DOCK7: variants seen among roughly 807,000 people sequenced by gnomAD.
DOCK7 encodes dedicator of cytokinesis 7.
A neutral mutation model predicts 271.0 loss-of-function variants in DOCK7; 138 were observed. That is an observed-to-expected ratio of 0.51 (90% CI 0.44 to 0.59). The LOEUF is 0.59. DOCK7 is among the 20% of genes least tolerant of loss of function. DOCK7 has a pLI of 0.00. For synonymous variants in DOCK7, 823 were observed against 876.1 expected (o/e 0.94, Z 1.07); for missense variants, 2,066 against 2,592.4 (o/e 0.80, Z 4.41).
intron 2 of DOCK7, among the ~76,000 whole-genome samples, chr1:62,654,761 A>G (rs1323772154): frequency 6.6e-6 from 1 of 152,238 alleles, no homozygotes; most frequent in African/African-American, 2.4e-5. Context: ...TGGTTTCTAA[A>G]TGCAATCACA....
chr1:62,679,147 G>C (rs1660844226), intron 1 of DOCK7, among the ~76,000 whole-genome samples: 1 of 151,946 alleles, frequency 6.6e-6, no homozygotes, highest in Non-Finnish European at 1.5e-5. Flanking sequence ...ATCAAGACAA[G>C]GTGGAATATA....
At chr1:62,526,938 A>G (rs1275682171) in intron 31 of DOCK7, among the ~76,000 whole-genome samples, 1 of 152,192 alleles carries the variant, frequency 6.6e-6, no homozygotes, top group South Asian at 2.1e-4. Context: ...GCTAATAGGT[A>G]TAAGGAATCT....
intron 28 of DOCK7, among the ~76,000 whole-genome samples, chr1:62,536,821 C>T (rs1645359553): frequency 6.6e-6 from 1 of 152,144 alleles, no homozygotes; most frequent in African/African-American, 2.4e-5. Flanking sequence ...AGGAATAATA[C>T]AGTAGAACGA....
intron 41 of DOCK7, 148 bp from the exon 42 acceptor site, chr1:62,489,213 G>A (rs894867410): frequency 1.5e-6 from 1 of 662,406 alleles, no homozygotes; most frequent in Non-Finnish European, 2.3e-6. Flanking sequence ...ACTTTGGGAG[G>A]CCGAGGCGGG....
At position 62,505,684 on chromosome 1, in the gene DOCK7, T is replaced by C. The variant is rs771441414; in HGVS notation, c.4609A>G (p.Lys1537Glu). Residue 1537 changes from lysine (K) to glutamate (E), a missense_variant and splice_region_variant, in exon 36 of 50, where the codon AAG becomes GAG. By Grantham distance (56) the Lys-to-Glu change is moderately conservative. Coordinates refer to ENST00000635253, the MANE Select transcript of DOCK7 (RefSeq NM_001367561.1). ...ACTGCAGGTACAAAATAACCTACCTTTGAAACCAAGGCTCTCTGTGTAGCA... is the reference window on the plus strand; with the variant it reads ...ACTGCAGGTACAAAATAACCTACCTCTGAAACCAAGGCTCTCTGTGTAGCA... ...CFATQRALVS[K>E]FPELLFEEET... is the part of the protein sequence containing the mutation. The C allele has an allele frequency of 6.2e-6, 10 of 1,604,334 alleles. No individual in the cohort carries two copies. Among genetic ancestry groups the C allele is most frequent in the Non-Finnish European group, 8.5e-6 (10 of 1,177,024 alleles).
intron 48 of DOCK7, among the ~76,000 whole-genome samples, chr1:62,463,343 T>C (rs1270779495): frequency 6.6e-6 from 1 of 152,178 alleles, no homozygotes; most frequent in African/African-American, 2.4e-5. Context: ...TTAGGATATA[T>C]AGTAATAGGA....
intron 1 of DOCK7, among the ~76,000 whole-genome samples, chr1:62,675,730 A>G (rs1660480113): frequency 6.6e-6 from 1 of 151,948 alleles, no homozygotes; most frequent in African/African-American, 2.4e-5. Context: ...GCTTGCAATG[A>G]GCCGAGATCG....
At chr1:62,556,506 TAA>T in intron 20 of DOCK7, among the ~76,000 whole-genome samples, 1 of 148,506 alleles carries the variant, frequency 6.7e-6, no homozygotes, top group South Asian at 2.1e-4. Flanking sequence ...AGTGAATCTG[TAA>T]AATGATTAGA....
intron 48 of DOCK7, among the ~76,000 whole-genome samples, chr1:62,466,604 C>T (rs968770195): frequency 2.6e-5 from 4 of 152,070 alleles, no homozygotes; most frequent in Admixed American, 2.6e-4. Context: ...AGTTTAACAC[C>T]GAAGGTCTTG....
chr1:62,597,908 G>C (rs1649520688), intron 14 of DOCK7: 1 of 1,563,064 alleles, frequency 6.4e-7, no homozygotes, highest in Admixed American at 2.1e-5. Flanking sequence ...AAGAGGTAAA[G>C]AATATGTCAC....
intron 14 of DOCK7, among the ~76,000 whole-genome samples, chr1:62,596,439 C>A (rs760414803): frequency 2.0e-5 from 3 of 152,108 alleles, no homozygotes; most frequent in Non-Finnish European, 4.4e-5. Flanking sequence ...TAAGAATAAT[C>A]ACTAATATAA....
intron 14 of DOCK7, chr1:62,598,932 A>T (rs1649703605): frequency 1.5e-6 from 1 of 674,626 alleles, no homozygotes; most frequent in African/African-American, 1.8e-5. Context: ...TAACTGTTAA[A>T]ATTGCAGGCT....
Position 62,504,708 on chromosome 1 carries a change from G to A in DOCK7, c.4686C>T (p.Ser1562=), listed in dbSNP as rs1478672614. The change falls in exon 37 of 50, where the codon AGC becomes AGT. Residue 1562 remains serine (S), a synonymous_variant. Transcript: ENST00000635253. ...GTGACCGTATTGTACCGATGCTACT[G>A]CTACAGTGTCGGAGAAGCCTGAGGC... is the stretch of plus-strand genomic sequence containing the variant. The part of the protein sequence containing the change: ...DLCLRLLRHC[S]SSIGTIRSHA... 3.1e-6 allele frequency: 5 copies of A among 1,614,012 alleles called. No individual in the cohort carries two copies. The African/African-American group carries it at 6.7e-5, about 22-fold the overall frequency.
chr1:62,670,766 C>G (rs1659891708), intron 1 of DOCK7, among the ~76,000 whole-genome samples: 1 of 152,120 alleles, frequency 6.6e-6, no homozygotes, highest in Non-Finnish European at 1.5e-5. Flanking sequence ...AAACAGGCCA[C>G]TCGACTCTAC....
chr1:62,581,097 G>A (rs1161552635), intron 16 of DOCK7, among the ~76,000 whole-genome samples: 2 of 151,952 alleles, frequency 1.3e-5, no homozygotes, highest in Non-Finnish European at 2.9e-5. Flanking sequence ...GCCGACCCCT[G>A]GTATACAGCA....
rs192818658 is a variant in DOCK7, at chr1:62,580,885, C to T, written c.1872-1919G>A. Among the ~76,000 whole-genome samples the T allele has an allele frequency of 7.9e-4, 120 of 152,262 alleles. 1 individual carries two copies. Among genetic ancestry groups the T allele is most frequent in the African/African-American group, 2.5e-3 (103 of 41,548 alleles). ...GGTAAAAAAGAATAATATTTCACAA[C>T]ATGTGAAAATAATATGAAATTCAAA... On this transcript the variant is annotated intron_variant, in intron 16 of 49. Coordinates refer to ENST00000635253, the MANE Select transcript of DOCK7 (RefSeq NM_001367561.1).
chr1:62,648,041 T>A (rs1656887352), intron 6 of DOCK7, 65 bp downstream of exon 6: 5 of 1,449,028 alleles, frequency 3.5e-6, no homozygotes, highest in Non-Finnish European at 4.8e-6. Context: ...ATACTATATA[T>A]CAATCATAAT....
chr1:62,585,055 A>G (rs1479338011), intron 15 of DOCK7, among the ~76,000 whole-genome samples: 5 of 152,206 alleles, frequency 3.3e-5, no homozygotes, highest in African/African-American at 1.2e-4. Flanking sequence ...CAACTATCAT[A>G]GTACATTCAT....
At chr1:62,583,835 T>A (rs1249790799) in intron 15 of DOCK7, among the ~76,000 whole-genome samples, 3 of 152,150 alleles carry the variant, frequency 2.0e-5, no homozygotes, top group Non-Finnish European at 4.4e-5. Flanking sequence ...AAGAATACAA[T>A]ATTACTTTTG....
Sources: gnomAD v4.1 joint callset for allele counts (sites outside exome capture counted in the v4.1 genomes callset) on GRCh38, gnomAD v4.1.1 for gene constraint, MANE v1.5 for transcripts, NCBI Gene and HGNC (gene_info 2026-07-23, HGNC 2026-07-21) for gene names.